Variants in TBC1D10B observed in about 807,000 individuals in gnomAD.
TBC1D10B encodes Rab27A-GAPbeta.
A neutral mutation model predicts 78.4 loss-of-function variants in TBC1D10B; 25 were observed. The observed-to-expected ratio is 0.32, with a 90% CI of 0.23 to 0.45. The LOEUF is 0.45. Ranked by LOEUF, TBC1D10B falls within the 20% of genes least tolerant of loss-of-function variation. TBC1D10B has a pLI of 1.00. For synonymous variants in TBC1D10B, 517 were observed against 478.0 expected (o/e 1.08, Z -1.06); for missense variants, 996 against 1,104.8 (o/e 0.90, Z 1.40).
In TBC1D10B at chr16:30,369,669, G is replaced by A; in HGVS notation, c.515C>T (p.Ala172Val). ...PGALTAKPPL[A>V]PKPGTTVASG... is the part of the protein sequence containing the mutation. ...GGCCACTGTGGTTCCCGGCTTGGGG[G>A]CAAGCGGGGGTTTGGCGGTCAGGGC... The change falls in exon 1 of 9, where the codon GCC (alanine) becomes GTC (valine). Residue 172 changes from alanine (A) to valine (V), a missense_variant. Transcript: ENST00000409939. The surrounding 1 kb of genome is among the most constrained non-coding windows in gnomAD (Gnocchi z 4.3). 1 of 1,532,058 alleles carries A rather than the reference G, an allele frequency of 6.5e-7. No homozygotes were observed. The highest frequency in any genetic ancestry group is 2.1e-5 in the Admixed American group (1 of 47,880). The allele number at this position is 1,532,058 out of a possible 1,614,324, so 94.9% of individuals were successfully genotyped here. A position where few individuals can be genotyped will look rare whatever the true frequency, so the allele number is the denominator to read the frequency against.
chr16:30,357,862 G>A lies in TBC1D10B; in HGVS notation c.*82C>T. On this transcript the variant is annotated 3_prime_UTR_variant, in exon 9 of 9. Coordinates refer to ENST00000409939, the MANE Select transcript of TBC1D10B (RefSeq NM_015527.4). ...CCAGCAAGGGACAGCCTGACAAGGT[G>A]CTAGGGGGTGGCACCTTGGGCCAGG... The A allele has an allele frequency of 6.8e-7, 1 of 1,470,810 alleles. No individual in the cohort carries two copies. Among genetic ancestry groups the A allele is most frequent in the East Asian group, 2.5e-5 (1 of 40,444 alleles). The allele number at this position is 1,470,810 out of a possible 1,614,324, so 91.1% of individuals were successfully genotyped here. A position where few individuals can be genotyped will look rare whatever the true frequency, so the allele number is the denominator to read the frequency against.
chr16:30,358,408 G>A lies in TBC1D10B; in HGVS notation c.1963C>T (p.Pro655Ser). The change falls in exon 9 of 9, where the codon CCC (proline) becomes TCC (serine). Residue 655 changes from proline (P) to serine (S), a missense_variant. Pro to Ser is a moderately conservative substitution (Grantham distance 74, BLOSUM62 -1). Coordinates refer to ENST00000409939, the MANE Select transcript of TBC1D10B (RefSeq NM_015527.4). ...ERRRQQPPLGPSSSLLSLPGL... is the reference protein window; with the variant it reads ...ERRRQQPPLGSSSSLLSLPGL... ...GGGAGGCTGAGGAGGCTGGAGGAGG[G>A]GCCCAGGGGTGGCTGTTGCCGCCGG... 6.3e-7 allele frequency: 1 copy of A among 1,574,856 alleles called. No individual in the cohort carries two copies. Among genetic ancestry groups the A allele is most frequent in the Non-Finnish European group, 8.6e-7 (1 of 1,160,826 alleles).
In TBC1D10B at chr16:30,357,923, A is replaced by C. The variant is rs183939224; in HGVS notation, c.*21T>G. On this transcript the variant is annotated 3_prime_UTR_variant, in exon 9 of 9. Transcript: ENST00000409939. Reference sequence around the variant, plus strand: ...GCTGAGGGAAAGAGGGGGGCCATGCAGTCCAGCCCCAGGGCAGAGGTCAGA... The same window carrying C: ...GCTGAGGGAAAGAGGGGGGCCATGCCGTCCAGCCCCAGGGCAGAGGTCAGA... The C allele has an allele frequency of 1.9e-6, 3 of 1,541,096 alleles. No individual in the cohort carries two copies. Among genetic ancestry groups the C allele is most frequent in the Non-Finnish European group, 1.8e-6 (2 of 1,141,294 alleles).
Position 30,365,276 on chromosome 16 carries a change from G to T in TBC1D10B, c.1057-64C>A. The T allele has an allele frequency of 6.8e-7, 1 of 1,470,966 alleles. No homozygotes were observed. Among genetic ancestry groups the T allele is most frequent in the Non-Finnish European group, 9.5e-7 (1 of 1,055,286 alleles). 91.1% of individuals were successfully genotyped at this position (1,470,966 alleles called of 1,614,324 possible). On this transcript the variant is annotated intron_variant, in intron 2 of 8. Coordinates refer to ENST00000409939, the MANE Select transcript of TBC1D10B (RefSeq NM_015527.4). This position sits in a 1 kb window ranked among gnomAD's most constrained non-coding sequence, Gnocchi z 5.0. ...TGGCACAGCCTCCAACCTTTCCCCAGCAGTCCACAAACTCCCTGGATACTC... is the reference window on the plus strand; with the variant it reads ...TGGCACAGCCTCCAACCTTTCCCCATCAGTCCACAAACTCCCTGGATACTC...
chr16:30,359,629 G>A (rs1172865966), intron 5 of TBC1D10B, 26 bp from the exon 6 acceptor site: 16 of 1,557,364 alleles, frequency 1.0e-5, no homozygotes, highest in East Asian at 2.4e-5. Flanking sequence ...ACAAGGAGGA[G>A]GGGTGGGGCC....
chr16:30,368,479 G>A (rs1485302793), intron 1 of TBC1D10B, among the ~76,000 whole-genome samples: 1 of 152,168 alleles, frequency 6.6e-6, no homozygotes, highest in Non-Finnish European at 1.5e-5. Flanking sequence ...GACTGGCCCA[G>A]CAGGTCAAAG....
In TBC1D10B at chr16:30,369,561, T is replaced by C. The variant is rs889350835; in HGVS notation, c.623A>G (p.Gln208Arg). Residue 208 changes from glutamine (Q) to arginine (R), a missense_variant, in exon 1 of 9, where the codon CAG (glutamine) becomes CGG (arginine). Gln to Arg is a conservative substitution (Grantham distance 43). Around this residue, in one of 5 missense-constraint regions of TBC1D10B, gnomAD observed 448 missense variants for 442.1 expected, o/e 1.01. Coordinates refer to ENST00000409939, the MANE Select transcript of TBC1D10B (RefSeq NM_015527.4). The surrounding 1 kb of genome is among the most constrained non-coding windows in gnomAD (Gnocchi z 4.3). ...AAAATSASAG[Q>R]APEDPSGPGT... ...AGGGCCTGAGGGGTCCTCAGGAGCC[T>C]GTCCTGCTGATGCTGATGTTGCTGC... is the stretch of plus-strand genomic sequence containing the variant. 1.3e-6 allele frequency: 2 copies of C among 1,537,268 alleles called. No individual in the cohort carries two copies. The highest frequency in any genetic ancestry group is 1.4e-5 in the African/African-American group (1 of 72,242).
chr16:30,369,934 CAGCCGGGGCTGG>C lies in TBC1D10B; in HGVS notation c.238_249del (p.Pro80_Ala83del), dbSNP rs1408824956. On this transcript the variant is annotated inframe_deletion, in exon 1 of 9. Transcript: ENST00000409939. This position sits in a 1 kb window ranked among gnomAD's most constrained non-coding sequence, Gnocchi z 4.3. ...AGCACCACCACCGTGCTGCCCGTGA[CAGCCGGGGCTGG>C]GGCCGGGGCTGGGGCCGGGGCCGGA... The C allele has an allele frequency of 6.1e-5, 80 of 1,302,588 alleles. 4 individuals carry two copies. The African/African-American group carries it at 7.7e-4, about 13-fold the overall frequency. The allele number at this position is 1,302,588 out of a possible 1,614,324, so 80.7% of individuals were successfully genotyped here. A position where few individuals can be genotyped will look rare whatever the true frequency, so the allele number is the denominator to read the frequency against.
chr16:30,357,672 C>T lies in TBC1D10B; in HGVS notation c.*272G>A, dbSNP rs890141692. The T allele has an allele frequency of 3.5e-6, 2 of 565,720 alleles. No homozygotes were observed. The highest frequency in any genetic ancestry group is 3.1e-5 in the Admixed American group (1 of 32,696). The allele number at this position is 565,720 out of a possible 1,614,324, so 35.0% of individuals were successfully genotyped here. A position where few individuals can be genotyped will look rare whatever the true frequency, so the allele number is the denominator to read the frequency against. On this transcript the variant is annotated 3_prime_UTR_variant, in exon 9 of 9. Coordinates refer to ENST00000409939, the MANE Select transcript of TBC1D10B (RefSeq NM_015527.4). ...TGGGATGACAACGGGCCATTCAGGA[C>T]AGCACCTAGGAGGGGACCCAGAGGG...
At position 30,358,448 on chromosome 16, in the gene TBC1D10B, G is replaced by A; in HGVS notation, c.1923C>T (p.Ala641=). 1 of 1,590,518 alleles carries A rather than the reference G, an allele frequency of 6.3e-7. No individual in the cohort carries two copies. The highest frequency in any genetic ancestry group is 1.1e-5 in the South Asian group (1 of 87,774). Residue 641 remains alanine, a synonymous_variant, in exon 9 of 9, where the codon GCC becomes GCT. Transcript: ENST00000409939. ...RPSRRLHGSR[A]IHEERRRQQP... is the part of the protein sequence containing the mutation. ...GTTGCCGCCGGCGCTCCTCGTGGATGGCCCGGGACCCATGCAGTCGCCGTG... is the reference window on the plus strand; with the variant it reads ...GTTGCCGCCGGCGCTCCTCGTGGATAGCCCGGGACCCATGCAGTCGCCGTG...
chr16:30,358,207 G>A lies in TBC1D10B; in HGVS notation c.2164C>T (p.Arg722Trp), dbSNP rs376756550. 304 of 1,552,890 alleles carry A rather than the reference G, an allele frequency of 2.0e-4. 1 individual carries two copies. Among genetic ancestry groups the A allele is most frequent in the Non-Finnish European group, 2.4e-4 (278 of 1,147,638 alleles). ...STPLGSSKET[R>W]KQEKERQKQE... Reference sequence around the variant, plus strand: ...TTCTGCCGCTCCTTCTCCTGCTTCCGGGTCTCCTTGCTGGAACCCAAGGGG... The same window carrying A: ...TTCTGCCGCTCCTTCTCCTGCTTCCAGGTCTCCTTGCTGGAACCCAAGGGG... The change falls in exon 9 of 9, where the codon CGG becomes TGG. Residue 722 changes from arginine (R) to tryptophan (W), a missense_variant. Physicochemically the swap from Arg to Trp is moderately radical, Grantham distance 101 (BLOSUM62 -3). This residue lies in a region of TBC1D10B where 285 missense variants were observed against 252.5 expected (regional missense o/e 1.13). Transcript: ENST00000409939.
Position 30,359,744 on chromosome 16 carries a change from T to A in TBC1D10B, c.1369A>T (p.Met457Leu). 1 of 1,586,426 alleles carries A rather than the reference T, an allele frequency of 6.3e-7. No individual in the cohort carries two copies. Among genetic ancestry groups the A allele is most frequent in the Non-Finnish European group, 8.6e-7 (1 of 1,166,410 alleles). ...GCGCTGACCTCCGCAGGCATGTGCA[T>A]GAGCAGGACCGCAGCCACGGGGGCC... Reference protein sequence around the residue: ...AQAPVAAVLLMHMPAEQAFWC... With the variant: ...AQAPVAAVLLLHMPAEQAFWC... The change falls in exon 5 of 9, where the codon ATG becomes TTG. Residue 457 changes from methionine (M) to leucine (L), a missense_variant. By Grantham distance (15) the Met-to-Leu change is conservative. Around this residue, in one of 5 missense-constraint regions of TBC1D10B, gnomAD observed 168 missense variants for 238.7 expected, o/e 0.70. Coordinates refer to ENST00000409939, the MANE Select transcript of TBC1D10B (RefSeq NM_015527.4).
In TBC1D10B at chr16:30,365,220, A is replaced by G. The variant is rs769107002; in HGVS notation, c.1057-8T>C. 1 of 1,613,070 alleles carries G rather than the reference A, an allele frequency of 6.2e-7. No homozygotes were observed. The highest frequency in any genetic ancestry group is 2.2e-5 in the East Asian group (1 of 44,874). On this transcript the variant is annotated splice_polypyrimidine_tract_variant and splice_region_variant and intron_variant, in intron 2 of 8. Coordinates refer to ENST00000409939, the MANE Select transcript of TBC1D10B (RefSeq NM_015527.4). This position sits in a 1 kb window ranked among gnomAD's most constrained non-coding sequence, Gnocchi z 5.0. ...CCGGCAGCGCAGCTTCACCTAAGGCAAAGTGGCAGGAGGGGGACAGCTTCA... is the reference window on the plus strand; with the variant it reads ...CCGGCAGCGCAGCTTCACCTAAGGCGAAGTGGCAGGAGGGGGACAGCTTCA...
Position 30,365,581 on chromosome 16 carries a change from G to A in TBC1D10B, c.970C>T (p.Pro324Ser). 6.2e-7 allele frequency: 1 copy of A among 1,613,946 alleles called. No homozygotes were observed. Among genetic ancestry groups the A allele is most frequent in the Non-Finnish European group, 8.5e-7 (1 of 1,179,894 alleles). The change falls in exon 2 of 9, where the codon CCC becomes TCC. Residue 324 changes from proline (P) to serine (S), a missense_variant. Transcript: ENST00000409939. This position sits in a 1 kb window ranked among gnomAD's most constrained non-coding sequence, Gnocchi z 5.0. ...QYSGSLESSI[P>S]VDVARQRELK... ...TCCCGCTGCCGAGCCACGTCCACGG[G>A]AATGGAGCTCTCTCTGCAGGGTCGG... is the stretch of plus-strand genomic sequence containing the variant.
intron 4 of TBC1D10B, among the ~76,000 whole-genome samples, chr16:30,361,949 C>T (rs1471732017): frequency 6.6e-6 from 1 of 151,808 alleles, no homozygotes; most frequent in Non-Finnish European, 1.5e-5. Context: ...CGGGTTCACA[C>T]CATTCTCCTG....
In TBC1D10B at chr16:30,358,337, G is replaced by T; in HGVS notation, c.2034C>A (p.Ser678=). 1.3e-6 allele frequency: 2 copies of T among 1,561,826 alleles called. No individual in the cohort carries two copies. The highest frequency in any genetic ancestry group is 2.4e-5 in the East Asian group (1 of 41,582). The part of the protein sequence containing the change: ...RGSRAAGGAP[S]PPPPVRRASA... ...TGGCTCTGCGGACGGGGGGCGGCGG[G>T]GACGGGGCCCCTCCAGCTGCCCGGG... The change falls in exon 9 of 9, where the codon TCC becomes TCA. Residue 678 remains serine (S), a synonymous_variant. Transcript: ENST00000409939.
chr16:30,369,726 G>T lies in TBC1D10B; in HGVS notation c.458C>A (p.Pro153His). The change falls in exon 1 of 9, where the codon CCT (proline) becomes CAT (histidine). Residue 153 changes from proline to histidine, a missense_variant. Pro to His is a moderately conservative substitution (Grantham distance 77). Coordinates refer to ENST00000409939, the MANE Select transcript of TBC1D10B (RefSeq NM_015527.4). The surrounding 1 kb of genome is among the most constrained non-coding windows in gnomAD (Gnocchi z 4.3). ...APGPGTPTGT[P>H]TRTPSRTAPG... ...AGCCGTTCTGGAAGGGGTCCTGGTA[G>T]GGGTCCCGGTGGGGGTCCCTGGTCC... 1 of 1,477,128 alleles carries T rather than the reference G, an allele frequency of 6.8e-7. No homozygotes were observed. Among genetic ancestry groups the T allele is most frequent in the Non-Finnish European group, 9.0e-7 (1 of 1,113,320 alleles). The allele number at this position is 1,477,128 out of a possible 1,614,324, so 91.5% of individuals were successfully genotyped here.
At position 30,358,822 on chromosome 16, in the gene TBC1D10B, AG is replaced by A; in HGVS notation, c.1643-6del. 6.2e-7 allele frequency: 1 copy of A among 1,602,148 alleles called. No individual in the cohort carries two copies. The highest frequency in any genetic ancestry group is 1.7e-5 in the Admixed American group (1 of 58,640). The stretch of plus-strand genomic sequence containing the variant: ...CCCGGAAGATGATCTTAACGCCTGC[AG>A]GGGTGGAGAGTAGAGAGCATGGGGT... On this transcript the variant is annotated splice_region_variant and splice_polypyrimidine_tract_variant and intron_variant, in intron 7 of 8. Coordinates refer to ENST00000409939, the MANE Select transcript of TBC1D10B (RefSeq NM_015527.4).
In TBC1D10B at chr16:30,359,233, G is replaced by C. The variant is rs1473518955; in HGVS notation, c.1581C>G (p.Ile527Met). 1 of 1,613,008 alleles carries C rather than the reference G, an allele frequency of 6.2e-7. No homozygotes were observed. The highest frequency in any genetic ancestry group is 8.5e-7 in the Non-Finnish European group (1 of 1,179,518). The change falls in exon 7 of 9, where the codon ATC becomes ATG. Residue 527 changes from isoleucine (I) to methionine (M), a missense_variant. This residue lies in a region of TBC1D10B where 168 missense variants were observed against 238.7 expected (regional missense o/e 0.70). Transcript: ENST00000409939. ...ACGCCCAGGGCAGGGTGCGGGCGAA[G>C]ATGCACATGAACCACTCCGTCATGT... ...VLYMTEWFMC[I>M]FARTLPWASV...
Sources: allele counts gnomAD v4.1 joint callset (sites outside exome capture counted in the v4.1 genomes callset), GRCh38; gene constraint gnomAD v4.1.1; regional missense constraint gnomAD v4.1.1; non-coding constraint Gnocchi (gnomAD v3.1); transcripts MANE v1.5; gene names NCBI Gene and HGNC (gene_info 2026-07-23, HGNC 2026-07-21).